Variants in ARHGAP15 observed in about 807,000 individuals in gnomAD.
The protein encoded by ARHGAP15 is rho GTPase-activating protein 15.
ARHGAP15 carries 51 observed loss-of-function variants against 63.7 expected under a neutral mutation model. The observed-to-expected ratio is 0.80, with a 90% confidence interval of 0.64 to 1.01. The LOEUF (loss-of-function observed/expected upper bound fraction) is 1.01, where lower values mean the gene tolerates loss of function less well. ARHGAP15 is among the 50% of genes least tolerant of loss of function. The pLI is 0.00. For synonymous variants in ARHGAP15, 191 were observed against 193.8 expected (o/e 0.99, Z 0.12); for missense variants, 560 against 564.6 (o/e 0.99, Z 0.08).
intron 9 of ARHGAP15, among the ~76,000 whole-genome samples, chr2:143,497,874 T>A (rs1692887847): frequency 6.6e-6 from 1 of 152,158 alleles, no homozygotes; most frequent in Non-Finnish European, 1.5e-5. Flanking sequence ...ATGATATGAA[T>A]GGGATTTTAG....
At chr2:143,566,009 A>T (rs1696205927) in intron 11 of ARHGAP15, among the ~76,000 whole-genome samples, 1 of 152,178 alleles carries the variant, frequency 6.6e-6, no homozygotes. Flanking sequence ...ACATTTCCTA[A>T]CAAAAGTGTG....
chr2:143,716,441 C>A (rs138171092), intron 13 of ARHGAP15, among the ~76,000 whole-genome samples: 1 of 152,154 alleles, frequency 6.6e-6, no homozygotes, highest in Non-Finnish European at 1.5e-5. Context: ...TCATAATTCT[C>A]ACTACTAAAT....
intron 6 of ARHGAP15, chr2:143,295,543 G>T (rs1204413808): frequency 6.6e-6 from 1 of 151,980 alleles, no homozygotes; most frequent in Non-Finnish European, 1.5e-5. Flanking sequence ...ACCAAGAAAG[G>T]TTTCATCAAG....
chr2:143,639,721 T>C lies in ARHGAP15; in HGVS notation c.1138+15454T>C, dbSNP rs913360520. On this transcript the variant is annotated intron_variant, in intron 12 of 13. Transcript: ENST00000295095. Reference sequence around the variant, plus strand: ...ATTAAAAGGTGAAACTGCAGCAAAGTGTCACTTCATCCCTCATGTCATGTG... The same window carrying C: ...ATTAAAAGGTGAAACTGCAGCAAAGCGTCACTTCATCCCTCATGTCATGTG... 1.6e-3 allele frequency among the ~76,000 whole-genome samples: 237 copies of C among 152,118 alleles called. 4 individuals are homozygous for C. Among genetic ancestry groups the C allele is most frequent in the Non-Finnish European group, 6.2e-4 (42 of 67,996 alleles).
At chr2:143,474,856 T>A (rs565470486) in intron 8 of ARHGAP15, among the ~76,000 whole-genome samples, 1 of 152,334 alleles carries the variant, frequency 6.6e-6, no homozygotes, top group Admixed American at 6.5e-5. Context: ...GGCAATTTGA[T>A]TACAATTAAC....
intron 2 of ARHGAP15, among the ~76,000 whole-genome samples, chr2:143,158,059 C>T (rs1462889467): frequency 2.6e-5 from 4 of 151,792 alleles, no homozygotes; most frequent in African/African-American, 9.7e-5. Context: ...ACTACTTGTT[C>T]ACTAGTATAA....
chr2:143,699,711 C>G (rs1293908343), intron 12 of ARHGAP15, among the ~76,000 whole-genome samples: 1 of 152,144 alleles, frequency 6.6e-6, no homozygotes, highest in Non-Finnish European at 1.5e-5. Context: ...TTGAATGTCC[C>G]TGCAACCAAA....
chr2:143,371,199 C>T (rs1304886340), intron 6 of ARHGAP15, among the ~76,000 whole-genome samples: 4 of 152,120 alleles, frequency 2.6e-5, no homozygotes, highest in Non-Finnish European at 5.9e-5. Context: ...ATGTGCAGAA[C>T]GTGCAGGTTT....
At chr2:143,600,798 A>G (rs779195308) in intron 11 of ARHGAP15, among the ~76,000 whole-genome samples, 1 of 152,176 alleles carries the variant, frequency 6.6e-6, no homozygotes, top group Admixed American at 6.6e-5. Flanking sequence ...CTCTCAGTTG[A>G]TTTTAGGTAA....
At chr2:143,447,893 T>C (rs1690219260) in intron 8 of ARHGAP15, among the ~76,000 whole-genome samples, 1 of 152,018 alleles carries the variant, frequency 6.6e-6, no homozygotes, top group African/African-American at 2.4e-5. Context: ...TGTTGATGGG[T>C]GTTTTGGTTT....
intron 12 of ARHGAP15, among the ~76,000 whole-genome samples, chr2:143,665,246 T>G (rs1457899470): frequency 1.5e-5 from 2 of 136,516 alleles, no homozygotes; most frequent in East Asian, 4.3e-4. Flanking sequence ...ATCCCTGGGA[T>G]GCAAGGCTGG....
At chr2:143,717,520 A>G (rs1221273814) in intron 13 of ARHGAP15, among the ~76,000 whole-genome samples, 2 of 152,140 alleles carry the variant, frequency 1.3e-5, no homozygotes, top group Admixed American at 1.3e-4. Context: ...AACCTCAGCC[A>G]TTTACTCCTA....
chr2:143,269,117 A>AT (rs1681142368), intron 6 of ARHGAP15, among the ~76,000 whole-genome samples: 1 of 152,162 alleles, frequency 6.6e-6, no homozygotes, highest in South Asian at 2.1e-4. Flanking sequence ...ATATGGGTTC[A>AT]TTACGTTCAA....
chr2:143,638,164 G>A (rs62170264), intron 12 of ARHGAP15, among the ~76,000 whole-genome samples: 2 of 146,886 alleles, frequency 1.4e-5, no homozygotes, highest in African/African-American at 5.0e-5. Context: ...TATACCCAAA[G>A]GACTATAAAT....
intron 11 of ARHGAP15, among the ~76,000 whole-genome samples, chr2:143,568,830 GC>G (rs1401896309): frequency 6.6e-6 from 1 of 152,172 alleles, no homozygotes; most frequent in African/African-American, 2.4e-5. Flanking sequence ...ATACTATGCA[GC>G]CATAAAAAAG....
At chr2:143,679,278 T>C (rs1171298220) in intron 12 of ARHGAP15, among the ~76,000 whole-genome samples, 2 of 152,236 alleles carry the variant, frequency 1.3e-5, no homozygotes, top group African/African-American at 4.8e-5. Flanking sequence ...GAGAAAGGGC[T>C]ACATTACATT....
intron 12 of ARHGAP15, among the ~76,000 whole-genome samples, chr2:143,655,155 G>C (rs139967415): frequency 0.018 from 2,779 of 152,146 alleles, 86 homozygotes; most frequent in African/African-American, 0.064. Flanking sequence ...TAAGTTATTG[G>C]GGTACAGGTG....
intron 2 of ARHGAP15, among the ~76,000 whole-genome samples, chr2:143,163,984 C>T (rs1319922297): frequency 5.9e-5 from 9 of 152,024 alleles, no homozygotes; most frequent in Non-Finnish European, 1.3e-4. Flanking sequence ...CATCCCTAAA[C>T]GGTTGATTAG....
chr2:143,671,004 C>T (rs1350649237), intron 12 of ARHGAP15, among the ~76,000 whole-genome samples: 1 of 152,130 alleles, frequency 6.6e-6, no homozygotes, highest in Non-Finnish European at 1.5e-5. Flanking sequence ...TTACACTACA[C>T]CTCCTTTCTA....
Sources: gnomAD v4.1 joint callset for allele counts (sites outside exome capture counted in the v4.1 genomes callset) on GRCh38, gnomAD v4.1.1 for gene constraint, MANE v1.5 for transcripts, NCBI Gene and HGNC (gene_info 2026-07-23, HGNC 2026-07-21) for gene names.